AMPD3: variants seen among roughly 807,000 people sequenced by gnomAD.
The protein encoded by AMPD3 is adenosine monophosphate deaminase 3, also known as AMP deaminase 3.
In AMPD3, 57 loss-of-function variants were observed where a neutral mutation model predicts 82.3. The ratio of observed to expected loss-of-function variants is 0.69; its 90% confidence interval spans 0.56 to 0.86. The LOEUF is 0.86. Among genes scored for constraint, AMPD3 ranks in the 40% least tolerant of loss-of-function variants. The pLI, the probability that AMPD3 is intolerant of heterozygous loss-of-function variation, is 0.00. For synonymous variants in AMPD3, 381 were observed against 394.7 expected (o/e 0.97, Z 0.41); for missense variants, 870 against 1,003.8 (o/e 0.87, Z 1.80).
At chr11:10,473,673 T>G in intron 2 of AMPD3, 1 of 876,222 alleles carries the variant, frequency 1.1e-6, no homozygotes, top group Non-Finnish European at 1.4e-6. Flanking sequence ...ACCCCTGTTA[T>G]AGTGCCCATC....
intron 7 of AMPD3, 99 bp downstream of exon 7, chr11:10,493,642 C>T: frequency 7.4e-7 from 1 of 1,357,756 alleles, no homozygotes; most frequent in South Asian, 1.2e-5. Flanking sequence ...CCGGGAGGTG[C>T]TACGGAAGCA....
chr11:10,481,907 A>G (rs1201664785), intron 3 of AMPD3, 156 bp from the exon 4 acceptor site: 9 of 866,558 alleles, frequency 1.0e-5, no homozygotes, highest in East Asian at 7.3e-5. Flanking sequence ...TTTAGGTGCA[A>G]TGAACCACTC....
intron 2 of AMPD3, among the ~76,000 whole-genome samples, chr11:10,468,355 AG>A (rs1848483651): frequency 6.6e-6 from 1 of 151,964 alleles, no homozygotes; most frequent in African/African-American, 2.4e-5. Context: ...AAAAAAAAAA[AG>A]CAGAAGTTGC....
intron 3 of AMPD3, chr11:10,481,806 G>A (rs1848915121): frequency 2.1e-5 from 11 of 515,764 alleles, no homozygotes; most frequent in South Asian, 1.6e-4. Flanking sequence ...TTTCACTGGG[G>A]CTGGTCACAT....
At chr11:10,484,345 GC>G in intron 4 of AMPD3, 2 of 985,212 alleles carry the variant, frequency 2.0e-6, no homozygotes, top group Non-Finnish European at 2.4e-6. Context: ...TCTTTATCTA[GC>G]CCCTCACCTG....
chr11:10,505,891 C>G lies in AMPD3; in HGVS notation c.*7C>G, dbSNP rs778046344. ...CACCGCCTTGACCAACTAGGTCCAGCATTTGACATGCATTTTAACTTTTTG... is the reference window on the plus strand; with the variant it reads ...CACCGCCTTGACCAACTAGGTCCAGGATTTGACATGCATTTTAACTTTTTG... On this transcript the variant is annotated 3_prime_UTR_variant, in exon 15 of 15. Transcript: ENST00000396553. 24 of 1,614,074 alleles carry G rather than the reference C, an allele frequency of 1.5e-5. No individual in the cohort carries two copies. The South Asian group carries it at 2.6e-4, about 18-fold the overall frequency.
chr11:10,456,527 A>G lies in AMPD3; in HGVS notation c.-6+1079A>G. 1 of 1,605,768 alleles carries G rather than the reference A, an allele frequency of 6.2e-7. No individual in the cohort carries two copies. Among genetic ancestry groups the G allele is most frequent in the Non-Finnish European group, 8.5e-7 (1 of 1,175,906 alleles). ...AGGGACTGTGGCACCATGAAAAGTT[A>G]CTGTTTGTTGAAACTGGCAGTGTTT... On this transcript the variant is annotated intron_variant, in intron 1 of 14. Transcript: ENST00000396553. This position sits in a 1 kb window ranked among gnomAD's most constrained non-coding sequence, Gnocchi z 4.3.
At chr11:10,475,315 A>AC (rs1388794589) in intron 2 of AMPD3, among the ~76,000 whole-genome samples, 1 of 151,998 alleles carries the variant, frequency 6.6e-6, no homozygotes, top group Non-Finnish European at 1.5e-5. Flanking sequence ...TGAAGGATCC[A>AC]CCCCCATGAT....
At chr11:10,453,622 T>C (rs1014031275), upstream of AMPD3, among the ~76,000 whole-genome samples, 2 of 151,978 alleles carry the variant, frequency 1.3e-5, no homozygotes, top group Admixed American at 6.5e-5. Flanking sequence ...TCTTGCTCTG[T>C]CGCCAGGCTG....
At chr11:10,489,043 C>A (rs1238112491) in intron 6 of AMPD3, among the ~76,000 whole-genome samples, 1 of 152,158 alleles carries the variant, frequency 6.6e-6, no homozygotes, top group Non-Finnish European at 1.5e-5. Flanking sequence ...CTCATGTGCC[C>A]TGAGAGGCTT....
chr11:10,476,475 T>TGTGTG (rs1554897415), intron 2 of AMPD3, among the ~76,000 whole-genome samples: 1 of 150,400 alleles, frequency 6.6e-6, no homozygotes, highest in African/African-American at 2.4e-5. Flanking sequence ...GTTTTTTTTT[T>TGTGTG]TGTGTGTGTG....
chr11:10,491,060 C>T (rs1849226245), intron 6 of AMPD3, among the ~76,000 whole-genome samples: 1 of 152,214 alleles, frequency 6.6e-6, no homozygotes, highest in Non-Finnish European at 1.5e-5. Flanking sequence ...TTTGGCATTA[C>T]TTGGAGATGC....
intron 9 of AMPD3, chr11:10,496,323 T>C: frequency 1.0e-6 from 1 of 985,408 alleles, no homozygotes; most frequent in Non-Finnish European, 1.2e-6. Context: ...GTCCTTTTGG[T>C]GAGCCCCAGG....
rs79323897 is a variant in AMPD3, at chr11:10,494,867, G to A, written c.1135-32G>A. 1,075 of 1,602,912 alleles carry A rather than the reference G, an allele frequency of 6.7e-4. 7 individuals carry two copies. In the African/African-American group the frequency reaches 0.011, roughly 17 times the overall value. On this transcript the variant is annotated intron_variant, in intron 7 of 14. Coordinates refer to ENST00000396553, the MANE Select transcript of AMPD3 (RefSeq NM_001025389.2). ...GGAACGTGCATGGTGGCTGCAGAAC[G>A]ATGCGTTGATTGGTGTGGTCTCCCC...
At chr11:10,469,465 A>G (rs567839993) in intron 2 of AMPD3, among the ~76,000 whole-genome samples, 11 of 152,320 alleles carry the variant, frequency 7.2e-5, no homozygotes, top group African/African-American at 2.6e-4. Context: ...GAATCCCTGA[A>G]TAGACCAATA....
At chr11:10,494,442 C>A in intron 7 of AMPD3, 1 of 529,086 alleles carries the variant, frequency 1.9e-6, no homozygotes, top group Non-Finnish European at 2.4e-6. Context: ...GTACTTAAAG[C>A]CACTGGAACT....
At chr11:10,479,066 G>A (rs567362642) in intron 3 of AMPD3, among the ~76,000 whole-genome samples, 1 of 152,296 alleles carries the variant, frequency 6.6e-6, no homozygotes, top group Admixed American at 6.5e-5. Context: ...GCCTTTCAGT[G>A]TTGCCAAATG....
chr11:10,487,762 T>G (rs576419776), intron 6 of AMPD3, among the ~76,000 whole-genome samples: 3 of 152,306 alleles, frequency 2.0e-5, no homozygotes, highest in Middle Eastern at 6.8e-3. Flanking sequence ...CCCCTCCTTG[T>G]GTCCATGTGT....
chr11:10,497,481 C>A, intron 10 of AMPD3: 2 of 764,296 alleles, frequency 2.6e-6, no homozygotes, highest in African/African-American at 1.9e-5. Flanking sequence ...GGGAGCCGGT[C>A]CCACCCTCCG....
Sources: allele counts gnomAD v4.1 joint callset (sites outside exome capture counted in the v4.1 genomes callset), GRCh38; gene constraint gnomAD v4.1.1; non-coding constraint Gnocchi (gnomAD v3.1); transcripts MANE v1.5; gene names NCBI Gene and HGNC (gene_info 2026-07-23, HGNC 2026-07-21).